KLF6: variants seen among roughly 807,000 people sequenced by gnomAD.
KLF6 encodes the protein Krueppel-like factor 6.
For synonymous variants in KLF6, 152 were observed against 147.9 expected (o/e 1.03, Z -0.20); for missense variants, 233 against 359.8 (o/e 0.65, Z 2.85).
Position 3,776,694 on chromosome 10 carries a change from G to C in KLF6, c.*2845C>G, listed in dbSNP as rs1176790660. The C allele has an allele frequency of 4.4e-6, 2 of 458,978 alleles. No individual in the cohort carries two copies. Among genetic ancestry groups the C allele is most frequent in the South Asian group, 3.6e-5 (2 of 55,980 alleles). The allele number at this position is 458,978 out of a possible 1,614,324, so 28.4% of individuals were successfully genotyped here. On this transcript the variant is annotated 3_prime_UTR_variant, in exon 4 of 4. Coordinates refer to ENST00000497571, the MANE Select transcript of KLF6 (RefSeq NM_001300.6). ...CTTACAAAGATTCTTTAGATAACAG[G>C]GTGCTTCCAAAAAAAAAAAAAAAAG... is the stretch of plus-strand genomic sequence containing the variant.
chr10:3,782,276 G>T lies in KLF6; in HGVS notation c.103-62C>A. The stretch of plus-strand genomic sequence containing the variant: ...ATGACGACCAAAAGTAAAAGCAAAA[G>T]CAATTTCCAAAAACATGCAAGAATG... On this transcript the variant is annotated intron_variant, in intron 1 of 3. Coordinates refer to ENST00000497571, the MANE Select transcript of KLF6 (RefSeq NM_001300.6). This position sits in a 1 kb window ranked among gnomAD's most constrained non-coding sequence, Gnocchi z 4.3. 7.1e-7 allele frequency: 1 copy of T among 1,402,508 alleles called. No homozygotes were observed. The highest frequency in any genetic ancestry group is 1.0e-6 in the Non-Finnish European group (1 of 1,003,258). The allele number at this position is 1,402,508 out of a possible 1,614,324, so 86.9% of individuals were successfully genotyped here.
intron 1 of KLF6, chr10:3,783,418 A>G (rs1304886766): frequency 6.6e-6 from 1 of 152,242 alleles, no homozygotes; most frequent in Non-Finnish European, 1.5e-5. Flanking sequence ...TTTCTACACC[A>G]AACGGCTCTG....
In KLF6 at chr10:3,782,238, G is replaced by T; in HGVS notation, c.103-24C>A. On this transcript the variant is annotated intron_variant, in intron 1 of 3. Coordinates refer to ENST00000497571, the MANE Select transcript of KLF6 (RefSeq NM_001300.6). This position sits in a 1 kb window ranked among gnomAD's most constrained non-coding sequence, Gnocchi z 4.3. ...GTCTGTGCAAAATGAACCAGAGAAG[G>T]CACGTGATTGCCATGACGACCAAAA... 6.3e-7 allele frequency: 1 copy of T among 1,577,920 alleles called. No individual in the cohort carries two copies. The highest frequency in any genetic ancestry group is 8.6e-7 in the Non-Finnish European group (1 of 1,158,686).
rs1832494563 is a variant in KLF6, at chr10:3,780,574, C to T, written c.677-345G>A. The T allele has an allele frequency of 5.1e-6, 2 of 390,512 alleles. No individual in the cohort carries two copies. Among genetic ancestry groups the T allele is most frequent in the Non-Finnish European group, 9.8e-6 (2 of 203,456 alleles). 24.2% of individuals were successfully genotyped at this position (390,512 alleles called of 1,614,324 possible). On this transcript the variant is annotated intron_variant, in intron 2 of 3. Transcript: ENST00000497571. This position sits in a 1 kb window ranked among gnomAD's most constrained non-coding sequence, Gnocchi z 4.6. ...AGCCCCGGCAAAGGCAGAGCTATTG[C>T]TTTCTTCATGGCAACTGTTTCTCCC...
chr10:3,778,498 G>A lies in KLF6; in HGVS notation c.*1041C>T, dbSNP rs150049929. ...GCCCCAGCTTTGTGACACTCAATAC[G>A]TGTCCAATTTCTTCTAAGGGCATCA... On this transcript the variant is annotated 3_prime_UTR_variant, in exon 4 of 4. Transcript: ENST00000497571. The A allele has an allele frequency of 7.6e-6, 4 of 524,198 alleles. No homozygotes were observed. The highest frequency in any genetic ancestry group is 4.1e-5 in the East Asian group (1 of 24,426). 32.5% of individuals were successfully genotyped at this position (524,198 alleles called of 1,614,324 possible). A position where few individuals can be genotyped will look rare whatever the true frequency, so the allele number is the denominator to read the frequency against.
In KLF6 at chr10:3,776,479, A is replaced by C. The variant is rs1270665788; in HGVS notation, c.*3060T>G. On this transcript the variant is annotated 3_prime_UTR_variant, in exon 4 of 4. Transcript: ENST00000497571. ...CAATGAAGATTTGCCCCCAGGAGGA[A>C]GCCAGGGTGATGAATGCAGGAGGAA... 1 of 531,102 alleles carries C rather than the reference A, an allele frequency of 1.9e-6. No individual in the cohort carries two copies. The highest frequency in any genetic ancestry group is 1.5e-5 in the South Asian group (1 of 65,138). 32.9% of individuals were successfully genotyped at this position (531,102 alleles called of 1,614,324 possible). A position where few individuals can be genotyped will look rare whatever the true frequency, so the allele number is the denominator to read the frequency against.
In KLF6 at chr10:3,780,119, A is replaced by G. The variant is rs1490355715; in HGVS notation, c.787T>C (p.Ser263Pro). The G allele has an allele frequency of 6.2e-7, 1 of 1,614,196 alleles. No homozygotes were observed. Among genetic ancestry groups the G allele is most frequent in the Admixed American group, 1.7e-5 (1 of 60,030 alleles). ...KHTGAKPFKC[S>P]HCDRCFSRSD... ...TCAGGCACGTACCTGTCACAGTGGG[A>G]GCATTTAAAAGGCTTGGCCCCGGTG... is the stretch of plus-strand genomic sequence containing the variant. The change falls in exon 3 of 4, where the codon TCC (serine) becomes CCC (proline). Residue 263 changes from serine to proline, a missense_variant. Transcript: ENST00000497571. The surrounding 1 kb of genome is among the most constrained non-coding windows in gnomAD (Gnocchi z 4.6).
Position 3,781,215 on chromosome 10 carries a change from T to C in KLF6, c.676+426A>G. The C allele has an allele frequency of 2.3e-6, 1 of 433,980 alleles. No individual in the cohort carries two copies. The highest frequency in any genetic ancestry group is 4.1e-6 in the Non-Finnish European group (1 of 246,408). The allele number at this position is 433,980 out of a possible 1,614,324, so 26.9% of individuals were successfully genotyped here. A position where few individuals can be genotyped will look rare whatever the true frequency, so the allele number is the denominator to read the frequency against. On this transcript the variant is annotated intron_variant, in intron 2 of 3. Transcript: ENST00000497571. The surrounding 1 kb of genome is among the most constrained non-coding windows in gnomAD (Gnocchi z 5.8). ...CCACTCGGGCCTCGGGCCGTCAGCA[T>C]CAAACCCACACACTCCACGCTGCCC...
Position 3,776,223 on chromosome 10 carries a change from T to C in KLF6, c.*3316A>G, listed in dbSNP as rs774930465. On this transcript the variant is annotated 3_prime_UTR_variant, in exon 4 of 4. Coordinates refer to ENST00000497571, the MANE Select transcript of KLF6 (RefSeq NM_001300.6). ...GGCAGGGAAACACTCAAGTTTGTCGTTGTGCAGGTGCCTCTGCAATGCATT... is the reference window on the plus strand; with the variant it reads ...GGCAGGGAAACACTCAAGTTTGTCGCTGTGCAGGTGCCTCTGCAATGCATT... 2 of 532,394 alleles carry C rather than the reference T, an allele frequency of 3.8e-6. No homozygotes were observed. The highest frequency in any genetic ancestry group is 3.1e-5 in the South Asian group (2 of 65,130). The allele number at this position is 532,394 out of a possible 1,614,324, so 33.0% of individuals were successfully genotyped here. A position where few individuals can be genotyped will look rare whatever the true frequency, so the allele number is the denominator to read the frequency against.
chr10:3,781,897 C>G lies in KLF6; in HGVS notation c.420G>C (p.Leu140Phe). Reference protein sequence around the residue: ...IGEVLVSSGKLSSSVTSTPPS... With the variant: ...IGEVLVSSGKFSSSVTSTPPS... Reference sequence around the variant, plus strand: ...GAGGCGTGGAGGTGACAGAGGAGCTCAATTTTCCCGAGCTGACCAAAACTT... The same window carrying G: ...GAGGCGTGGAGGTGACAGAGGAGCTGAATTTTCCCGAGCTGACCAAAACTT... The change falls in exon 2 of 4, where the codon TTG becomes TTC. Residue 140 changes from leucine to phenylalanine, a missense_variant. Leu to Phe is a conservative substitution (Grantham distance 22). Transcript: ENST00000497571. This position sits in a 1 kb window ranked among gnomAD's most constrained non-coding sequence, Gnocchi z 5.8. 1 of 1,614,170 alleles carries G rather than the reference C, an allele frequency of 6.2e-7. No homozygotes were observed.
chr10:3,776,702 CAA>C lies in KLF6; in HGVS notation c.*2835_*2836del, dbSNP rs35554797. On this transcript the variant is annotated 3_prime_UTR_variant, in exon 4 of 4. Coordinates refer to ENST00000497571, the MANE Select transcript of KLF6 (RefSeq NM_001300.6). ...GATTCTTTAGATAACAGGGTGCTTC[CAA>C]AAAAAAAAAAAAAAGAAATTTCACT... The C allele has an allele frequency of 0.068, 26,358 of 385,652 alleles. 7 individuals carry two copies. Among genetic ancestry groups the C allele is most frequent in the East Asian group, 0.092 (1,608 of 17,412 alleles). 23.9% of individuals were successfully genotyped at this position (385,652 alleles called of 1,614,324 possible).
At position 3,777,246 on chromosome 10, in the gene KLF6, C is replaced by G. The variant is rs1237188121; in HGVS notation, c.*2293G>C. 1.9e-6 allele frequency: 1 copy of G among 516,294 alleles called. No homozygotes were observed. The highest frequency in any genetic ancestry group is 3.8e-6 in the Non-Finnish European group (1 of 265,732). The allele number at this position is 516,294 out of a possible 1,614,324, so 32.0% of individuals were successfully genotyped here. A position where few individuals can be genotyped will look rare whatever the true frequency, so the allele number is the denominator to read the frequency against. On this transcript the variant is annotated 3_prime_UTR_variant, in exon 4 of 4. Coordinates refer to ENST00000497571, the MANE Select transcript of KLF6 (RefSeq NM_001300.6). ...TATATATATAAAGCAAAGAGCCACA[C>G]CCACAAGCCAGCAGCTGGGTGAAAT... is the stretch of plus-strand genomic sequence containing the variant.
intron 1 of KLF6, among the ~76,000 whole-genome samples, chr10:3,783,020 T>A (rs775805226): frequency 7.2e-5 from 11 of 152,228 alleles, no homozygotes; most frequent in Non-Finnish European, 1.6e-4. Flanking sequence ...ACGGCCCTGC[T>A]GGGAGTCCCA....
rs1175372126 is a variant in KLF6, at chr10:3,782,928, A to C, written c.103-714T>G. ...ACTTCTACAGTGGTCAGAGAAAAAC[A>C]AGGAACTTCAACAACAGGAGTGCAG... On this transcript the variant is annotated intron_variant, in intron 1 of 3. Coordinates refer to ENST00000497571, the MANE Select transcript of KLF6 (RefSeq NM_001300.6). The surrounding 1 kb of genome is among the most constrained non-coding windows in gnomAD (Gnocchi z 4.3). 6.6e-6 allele frequency among the ~76,000 whole-genome samples: 1 copy of C among 152,232 alleles called. No individual in the cohort carries two copies. The highest frequency in any genetic ancestry group is 1.5e-5 in the Non-Finnish European group (1 of 68,032).
rs948875442 is a variant in KLF6 at position 3,777,227 on chromosome 10, T to C, written c.*2312A>G. ...CCAGACTCACATGTGTGTATATATA[T>C]ATAAAGCAAAGAGCCACACCCACAA... On this transcript the variant is annotated 3_prime_UTR_variant, in exon 4 of 4. Transcript: ENST00000497571. 15 of 515,552 alleles carry C rather than the reference T, an allele frequency of 2.9e-5. No homozygotes were observed. Among genetic ancestry groups the C allele is most frequent in the African/African-American group, 1.7e-4 (9 of 52,650 alleles). The allele number at this position is 515,552 out of a possible 1,614,324, so 31.9% of individuals were successfully genotyped here. A position where few individuals can be genotyped will look rare whatever the true frequency, so the allele number is the denominator to read the frequency against.
chr10:3,782,861 C>T lies in KLF6; in HGVS notation c.103-647G>A, dbSNP rs907237281. Among the ~76,000 whole-genome samples the T allele has an allele frequency of 2.0e-5, 3 of 152,198 alleles. No individual in the cohort carries two copies. Among genetic ancestry groups the T allele is most frequent in the Non-Finnish European group, 4.4e-5 (3 of 68,034 alleles). ...GACCGCCTATGTTTTCACAGAATGCCGTTCCCAAGTGCAGGCCCTTGCATG... is the reference window on the plus strand; with the variant it reads ...GACCGCCTATGTTTTCACAGAATGCTGTTCCCAAGTGCAGGCCCTTGCATG... On this transcript the variant is annotated intron_variant, in intron 1 of 3. Coordinates refer to ENST00000497571, the MANE Select transcript of KLF6 (RefSeq NM_001300.6). The surrounding 1 kb of genome is among the most constrained non-coding windows in gnomAD (Gnocchi z 4.3).
In KLF6 at chr10:3,780,995, T is replaced by A; in HGVS notation, c.676+646A>T. The A allele has an allele frequency of 6.2e-6, 1 of 161,158 alleles. No homozygotes were observed. The highest frequency in any genetic ancestry group is 1.4e-5 in the Non-Finnish European group (1 of 72,912). 10.0% of individuals were successfully genotyped at this position (161,158 alleles called of 1,614,324 possible). A position where few individuals can be genotyped will look rare whatever the true frequency, so the allele number is the denominator to read the frequency against. On this transcript the variant is annotated intron_variant, in intron 2 of 3. Transcript: ENST00000497571. The surrounding 1 kb of genome is among the most constrained non-coding windows in gnomAD (Gnocchi z 4.6). ...CGTGATCACTAAGACCCTTCCCAGT[T>A]CTAAATGTTCTGTGATTCCTCACCA... is the stretch of plus-strand genomic sequence containing the variant.
Position 3,777,674 on chromosome 10 carries a change from A to G in KLF6, c.*1865T>C, listed in dbSNP as rs150960581. ...TTACCTCCTTTATGGCCATTTTGAA[A>G]TATTTCTTCACAGGCTGTGGAATTT... On this transcript the variant is annotated 3_prime_UTR_variant, in exon 4 of 4. Transcript: ENST00000497571. 2.1e-6 allele frequency: 1 copy of G among 475,898 alleles called. No individual in the cohort carries two copies. The highest frequency in any genetic ancestry group is 4.2e-6 in the Non-Finnish European group (1 of 240,644). 29.5% of individuals were successfully genotyped at this position (475,898 alleles called of 1,614,324 possible). A position where few individuals can be genotyped will look rare whatever the true frequency, so the allele number is the denominator to read the frequency against.
At position 3,782,429 on chromosome 10, in the gene KLF6, G is replaced by A. The variant is rs780899699; in HGVS notation, c.103-215C>T. 5.9e-5 allele frequency among the ~76,000 whole-genome samples: 9 copies of A among 152,212 alleles called. No homozygotes were observed. Among genetic ancestry groups the A allele is most frequent in the Non-Finnish European group, 1.2e-4 (8 of 68,024 alleles). Reference sequence around the variant, plus strand: ...GTAAGAATTCAGAGGAAAAGTCGGAGGGTGAAACCTCTCCTGGCTTTCCCA... The same window carrying A: ...GTAAGAATTCAGAGGAAAAGTCGGAAGGTGAAACCTCTCCTGGCTTTCCCA... On this transcript the variant is annotated intron_variant, in intron 1 of 3. Transcript: ENST00000497571. The surrounding 1 kb of genome is among the most constrained non-coding windows in gnomAD (Gnocchi z 4.3).
Sources: gnomAD v4.1 joint callset for allele counts (sites outside exome capture counted in the v4.1 genomes callset) on GRCh38, gnomAD v4.1.1 for gene constraint, Gnocchi (gnomAD v3.1) non-coding constraint, MANE v1.5 for transcripts, NCBI Gene and HGNC (gene_info 2026-07-23, HGNC 2026-07-21) for gene names.